The following IFT81 variants were observed in gnomAD, a reference collection of about 807,000 sequenced individuals.
The protein encoded by IFT81 is intraflagellar transport 81.
In IFT81, 72 loss-of-function variants were observed where a neutral mutation model predicts 102.6. The ratio of observed to expected loss-of-function variants is 0.70; its 90% confidence interval spans 0.58 to 0.85. The LOEUF (loss-of-function observed/expected upper bound fraction) is 0.85, where lower values mean the gene tolerates loss of function less well. IFT81 is among the 40% of genes least tolerant of loss of function. IFT81 has a pLI of 0.00. For synonymous variants in IFT81, 237 were observed against 242.7 expected, an observed-to-expected ratio of 0.98 and a Z score of 0.22; for missense variants, 723 against 787.3, an observed-to-expected ratio of 0.92 and a Z score of 0.98.
In IFT81 at chr12:110,128,045, G is replaced by C; in HGVS notation, c.145-1G>C. The C allele has an allele frequency of 1.9e-6, 3 of 1,601,840 alleles. No individual in the cohort carries two copies. The highest frequency in any genetic ancestry group is 2.6e-6 in the Non-Finnish European group (3 of 1,169,590). The stretch of plus-strand genomic sequence containing the variant: ...CATGTTTTTTTCAATTTCTTTGTTA[G>C]CAACTTGTGGATATCAGAGAGGAGA... On this transcript the variant is annotated splice_acceptor_variant, in intron 2 of 18. Transcript: ENST00000242591. LOFTEE classifies it high-confidence loss of function.
intron 11 of IFT81, among the ~76,000 whole-genome samples, chr12:110,169,861 C>T (rs1896653015): frequency 2.0e-5 from 3 of 152,114 alleles, no homozygotes. Flanking sequence ...CCTCACCCAG[C>T]CCAGATAAGG....
At chr12:110,163,186 A>G in intron 11 of IFT81, 121 bp downstream of exon 11, 1 of 748,350 alleles carries the variant, frequency 1.3e-6, no homozygotes, top group Non-Finnish European at 2.1e-6. Flanking sequence ...TTTATAAAAC[A>G]TATTTAAAAC....
intron 15 of IFT81, chr12:110,204,152 G>T: frequency 2.1e-6 from 1 of 466,132 alleles, no homozygotes; most frequent in Non-Finnish European, 3.9e-6. Context: ...TTTAAATACT[G>T]CCCGTGTACG....
intron 17 of IFT81, among the ~76,000 whole-genome samples, chr12:110,206,702 A>G (rs1468502261): frequency 6.6e-6 from 1 of 151,848 alleles, no homozygotes; most frequent in Non-Finnish European, 1.5e-5. Context: ...AAAATCTAAG[A>G]AATAGAGTGT....
intron 8 of IFT81, among the ~76,000 whole-genome samples, chr12:110,142,842 G>C (rs1057362911): frequency 7.9e-5 from 12 of 152,152 alleles, no homozygotes; most frequent in Admixed American, 7.2e-4. Flanking sequence ...GGTTTAGGTT[G>C]CAGTGAGCTG....
intron 17 of IFT81, among the ~76,000 whole-genome samples, chr12:110,207,291 C>T (rs1868766598): frequency 6.6e-6 from 1 of 152,058 alleles, no homozygotes; most frequent in African/African-American, 2.4e-5. Flanking sequence ...AACTCCTGAC[C>T]TCAAGTGAAC....
At chr12:110,136,948 G>C (rs537657803) in intron 8 of IFT81, 88 bp downstream of exon 8, 7 of 789,374 alleles carry the variant, frequency 8.9e-6, no homozygotes, top group African/African-American at 8.7e-5. Flanking sequence ...GTGAGAATTA[G>C]TTATCATCAA....
At chr12:110,186,321 G>A (rs575547085) in intron 12 of IFT81, among the ~76,000 whole-genome samples, 1 of 152,176 alleles carries the variant, frequency 6.6e-6, no homozygotes, top group East Asian at 1.9e-4. Context: ...TTCTATCTGT[G>A]TTTGGTTGTT....
chr12:110,173,740 C>T (rs1466906285), intron 11 of IFT81, among the ~76,000 whole-genome samples: 2 of 152,106 alleles, frequency 1.3e-5, no homozygotes, highest in Admixed American at 1.3e-4. Flanking sequence ...GCAAGATGTG[C>T]TTTGTTAAAC....
At position 110,173,377 on chromosome 12, in the gene IFT81, C is replaced by A. The variant is rs1436472119; in HGVS notation, c.1189-7045C>A. On this transcript the variant is annotated intron_variant, in intron 11 of 18. Transcript: ENST00000242591. ...CCCCCGCCCGGCCAGCCGCCTCGTC[C>A]GGGAGGTGAGGGGCGCCTCTGCCCG... 1.4e-3 allele frequency among the ~76,000 whole-genome samples: 206 copies of A among 150,822 alleles called. 5 individuals are homozygous for A. Among genetic ancestry groups the A allele is most frequent in the Non-Finnish European group, 3.6e-4 (24 of 67,580 alleles).
In IFT81 at chr12:110,203,920, C is replaced by A. The variant is rs780092438; in HGVS notation, c.1614C>A (p.Gly538=). 2 of 1,613,272 alleles carry A rather than the reference C, an allele frequency of 1.2e-6. No homozygotes were observed. The highest frequency in any genetic ancestry group is 1.3e-5 in the African/African-American group (1 of 74,862). ...CCCAGTATGATAGCTGTGCAGCAGG[C>A]CTCGAAAGCAATCGGTCCAAATTAG... is the stretch of plus-strand genomic sequence containing the variant. ...KKSQYDSCAA[G]LESNRSKLEQ... Residue 538 remains glycine (G), a synonymous_variant, in exon 15 of 19, where the codon GGC becomes GGA. Transcript: ENST00000242591.
At chr12:110,157,938 C>T (rs1198677435) in intron 10 of IFT81, among the ~76,000 whole-genome samples, 3 of 152,054 alleles carry the variant, frequency 2.0e-5, no homozygotes, top group African/African-American at 7.2e-5. Flanking sequence ...TCTTGATGTT[C>T]TCCACATCTT....
chr12:110,190,947 T>C lies in IFT81; in HGVS notation c.1366T>C (p.Ser456Pro). Residue 456 changes from serine to proline, a missense_variant, in exon 13 of 19, where the codon TCT (serine) becomes CCT (proline). By Grantham distance (74) the Ser-to-Pro change is moderately conservative (BLOSUM62 -1). Transcript: ENST00000242591. ...LQTMEEKKGI[S>P]GYSYTQEELE... ...AACTATGGAGGAGAAAAAGGGTATATCTGGATATAGTTACACCCAAGAAGA... is the reference window on the plus strand; with the variant it reads ...AACTATGGAGGAGAAAAAGGGTATACCTGGATATAGTTACACCCAAGAAGA... 1 of 1,592,874 alleles carries C rather than the reference T, an allele frequency of 6.3e-7. No individual in the cohort carries two copies. Among genetic ancestry groups the C allele is most frequent in the Admixed American group, 1.8e-5 (1 of 56,040 alleles).
In IFT81 at chr12:110,203,951, G is replaced by T. The variant is rs770636591; in HGVS notation, c.1644+1G>T. The T allele has an allele frequency of 1.2e-6, 2 of 1,601,610 alleles. No individual in the cohort carries two copies. Among genetic ancestry groups the T allele is most frequent in the East Asian group, 2.2e-5 (1 of 44,748 alleles). ...AAGCAATCGGTCCAAATTAGAACAGGTAAGAAGAGAGTTTTTATTTTAACA... is the reference window on the plus strand; with the variant it reads ...AAGCAATCGGTCCAAATTAGAACAGTTAAGAAGAGAGTTTTTATTTTAACA... On this transcript the variant is annotated splice_donor_variant, in intron 15 of 18. Coordinates refer to ENST00000242591, the MANE Select transcript of IFT81 (RefSeq NM_014055.4). LOFTEE classifies it high-confidence loss of function.
At chr12:110,143,052 A>G (rs1419664612) in intron 8 of IFT81, among the ~76,000 whole-genome samples, 2 of 152,220 alleles carry the variant, frequency 1.3e-5, no homozygotes, top group African/African-American at 4.8e-5. Context: ...CTTAGAAGGT[A>G]AAATATGACC....
chr12:110,196,738 T>A (rs979910637), intron 14 of IFT81, among the ~76,000 whole-genome samples: 39 of 152,234 alleles, frequency 2.6e-4, no homozygotes, highest in African/African-American at 8.4e-4. Flanking sequence ...TCTGTCTTTA[T>A]TTTTAAACTT....
chr12:110,192,494 G>T, intron 13 of IFT81, 123 bp from the exon 14 acceptor site: 1 of 556,224 alleles, frequency 1.8e-6, no homozygotes, highest in Non-Finnish European at 3.3e-6. Flanking sequence ...TGTTGTTTGG[G>T]ACTGAAGTAA....
chr12:110,169,766 T>G (rs1896649861), intron 11 of IFT81, among the ~76,000 whole-genome samples: 1 of 151,540 alleles, frequency 6.6e-6, no homozygotes. Flanking sequence ...TTTCACCATG[T>G]TAGCCAGGCT....
intron 14 of IFT81, among the ~76,000 whole-genome samples, chr12:110,198,448 G>A (rs1036581701): frequency 2.0e-5 from 3 of 151,966 alleles, no homozygotes; most frequent in Non-Finnish European, 4.4e-5. Context: ...TCAGTACCAT[G>A]TTTTGAGTGT....
Sources: allele counts gnomAD v4.1 joint callset (sites outside exome capture counted in the v4.1 genomes callset), GRCh38; gene constraint gnomAD v4.1.1; transcripts MANE v1.5; gene names NCBI Gene and HGNC (gene_info 2026-07-23, HGNC 2026-07-21).